Variants in KLF13 observed in about 807,000 individuals in gnomAD.
KLF13 encodes the protein KLF transcription factor 13.
A neutral mutation model predicts 16.7 loss-of-function variants in KLF13; 8 were observed. The observed-to-expected ratio is 0.48, with a 90% CI of 0.28 to 0.87. The LOEUF (loss-of-function observed/expected upper bound fraction) is 0.87, where lower values mean the gene tolerates loss of function less well. KLF13 is among the 40% of genes least tolerant of loss of function. The pLI, the probability that KLF13 is intolerant of heterozygous loss-of-function variation, is 0.10. For synonymous variants in KLF13, 245 were observed against 208.4 expected (o/e 1.18, Z -1.51); for missense variants, 447 against 452.2 (o/e 0.99, Z 0.10).
intron 1 of KLF13, among the ~76,000 whole-genome samples, chr15:31,351,196 G>A (rs1040313772): frequency 2.6e-5 from 4 of 152,148 alleles, no homozygotes; most frequent in Non-Finnish European, 5.9e-5. Flanking sequence ...GTAAGAAGTT[G>A]CCTTGCCAAA....
intron 1 of KLF13, among the ~76,000 whole-genome samples, chr15:31,384,103 T>G (rs374066468): frequency 1.4e-4 from 22 of 152,252 alleles, no homozygotes; most frequent in African/African-American, 5.1e-4. Context: ...AAAACACTTT[T>G]CTCTATAGCT....
downstream of KLF13, among the ~76,000 whole-genome samples, chr15:31,407,416 A>C (rs2040142527): frequency 6.6e-6 from 1 of 152,218 alleles, no homozygotes; most frequent in African/African-American, 2.4e-5. Flanking sequence ...TGGGCAGAGA[A>C]ACAAGCTCAG....
At chr15:31,366,047 A>T (rs929122832) in intron 1 of KLF13, 2 of 152,206 alleles carry the variant, frequency 1.3e-5, no homozygotes, top group African/African-American at 4.8e-5. Flanking sequence ...GCCAGGGAAC[A>T]TTTATGTAAC....
intron 1 of KLF13, among the ~76,000 whole-genome samples, chr15:31,431,220 A>T (rs2040467719): frequency 6.6e-6 from 1 of 152,188 alleles, no homozygotes; most frequent in African/African-American, 2.4e-5. Context: ...CCGAGAACCC[A>T]ACTATCCTGG....
At chr15:31,411,902 A>G (rs2040200335) in intron 1 of KLF13, among the ~76,000 whole-genome samples, 1 of 152,180 alleles carries the variant, frequency 6.6e-6, no homozygotes, top group African/African-American at 2.4e-5. Flanking sequence ...TTTGGTTGTG[A>G]AAGACTCAAT....
intron 1 of KLF13, among the ~76,000 whole-genome samples, chr15:31,430,075 G>C (rs956982900): frequency 2.0e-5 from 3 of 152,032 alleles, no homozygotes; most frequent in African/African-American, 7.3e-5. Flanking sequence ...CTGTTGCCTT[G>C]GTTGGAAGGG....
chr15:31,391,759 C>G (rs1446411281), upstream of KLF13, among the ~76,000 whole-genome samples: 1 of 152,112 alleles, frequency 6.6e-6, no homozygotes, highest in Non-Finnish European at 1.5e-5. Flanking sequence ...TGTTACTGCG[C>G]TCCTCAGGCA....
At chr15:31,419,803 CAA>C (rs1399592925) in intron 1 of KLF13, among the ~76,000 whole-genome samples, 1 of 152,076 alleles carries the variant, frequency 6.6e-6, no homozygotes, top group Admixed American at 6.6e-5. Context: ...AATGGACATC[CAA>C]ATTCTAGAAG....
At chr15:31,339,011 T>G (rs769226454) in intron 1 of KLF13, among the ~76,000 whole-genome samples, 4 of 152,054 alleles carry the variant, frequency 2.6e-5, no homozygotes, top group Non-Finnish European at 4.4e-5. Context: ...GGAGACACTG[T>G]GGGGGAGGCT....
intron 1 of KLF13, among the ~76,000 whole-genome samples, chr15:31,432,016 T>C (rs1016986963): frequency 6.6e-6 from 1 of 151,812 alleles, no homozygotes; most frequent in Non-Finnish European, 1.5e-5. Context: ...AAGTGGTGGC[T>C]ACACAGGTGT....
At chr15:31,344,360 A>G (rs1446182122) in intron 1 of KLF13, among the ~76,000 whole-genome samples, 1 of 152,208 alleles carries the variant, frequency 6.6e-6, no homozygotes, top group East Asian at 1.9e-4. Context: ...CGTGCTCTGA[A>G]AACACGCCAT....
rs147615048 is a variant in KLF13 at position 31,345,209 on chromosome 15, T to C, written c.577+17420T>C. Among the ~76,000 whole-genome samples, 15 of 152,132 alleles carry C rather than the reference T, an allele frequency of 9.9e-5. No individual in the cohort carries two copies. The East Asian group carries it at 2.3e-3, about 23-fold the overall frequency. ...GCAGGCGTGCTGCATCGGGCTGGGA[T>C]TGTGGGGTGCCAGCAGACAGGGGTG... On this transcript the variant is annotated intron_variant, in intron 1 of 1. Transcript: ENST00000307145.
intron 1 of KLF13, among the ~76,000 whole-genome samples, chr15:31,385,379 G>A (rs1470289567): frequency 1.3e-5 from 2 of 152,168 alleles, no homozygotes; most frequent in Non-Finnish European, 2.9e-5. Flanking sequence ...GGATTTACAG[G>A]TATACCTTGT....
At chr15:31,385,138 C>T (rs1461189642) in intron 1 of KLF13, among the ~76,000 whole-genome samples, 1 of 152,198 alleles carries the variant, frequency 6.6e-6, no homozygotes, top group Non-Finnish European at 1.5e-5. Flanking sequence ...GAGCCCCCAC[C>T]AGACGCTGGA....
chr15:31,362,669 T>G (rs149885489), intron 1 of KLF13, among the ~76,000 whole-genome samples: 28 of 152,316 alleles, frequency 1.8e-4, no homozygotes, highest in South Asian at 1.2e-3. Flanking sequence ...TCTAAAAGAT[T>G]TAAGTAGTTT....
chr15:31,384,022 C>T (rs2039765361), intron 1 of KLF13, among the ~76,000 whole-genome samples: 9 of 152,172 alleles, frequency 5.9e-5, no homozygotes, highest in Admixed American at 5.9e-4. Context: ...ATGACTAATA[C>T]CCAATCTATT....
At chr15:31,378,909 G>A (rs1470030475), downstream of KLF13, among the ~76,000 whole-genome samples, 4 of 152,086 alleles carry the variant, frequency 2.6e-5, no homozygotes, top group Non-Finnish European at 5.9e-5. Flanking sequence ...TAGTAGAGAC[G>A]AGGTTTCACC....
intron 1 of KLF13, among the ~76,000 whole-genome samples, chr15:31,339,273 A>G (rs998547872): frequency 6.6e-6 from 1 of 152,166 alleles, no homozygotes; most frequent in Non-Finnish European, 1.5e-5. Context: ...TAAATTAGCA[A>G]GAATGACTAA....
chr15:31,406,683 G>A (rs1014532072), downstream of KLF13, among the ~76,000 whole-genome samples: 2 of 152,192 alleles, frequency 1.3e-5, no homozygotes, highest in Non-Finnish European at 2.9e-5. Flanking sequence ...CAGCAGGACT[G>A]CATTCCTTCT....
Sources: gnomAD v4.1 joint callset for allele counts (sites outside exome capture counted in the v4.1 genomes callset) on GRCh38, gnomAD v4.1.1 for gene constraint, MANE v1.5 for transcripts, NCBI Gene and HGNC (gene_info 2026-07-23, HGNC 2026-07-21) for gene names.